Variants in SGPP2 observed in about 807,000 individuals in gnomAD.
The protein encoded by SGPP2 is sphingosine-1-phosphate phosphatase 2, also known as sphingosine 1-phosphate phosphohydrolase 2.
In SGPP2, 30 loss-of-function variants were observed where a neutral mutation model predicts 33.9. The ratio of observed to expected loss-of-function variants is 0.89; its 90% CI spans 0.66 to 1.20. The LOEUF is 1.20. Ranked by LOEUF, SGPP2 falls within the 50% of genes most tolerant of loss-of-function variation. SGPP2 has a pLI of 0.00. For synonymous variants in SGPP2, 233 were observed against 225.0 expected (o/e 1.04, Z -0.32); for missense variants, 458 against 532.1 (o/e 0.86, Z 1.37).
chr2:222,452,408 CTTCAAGTTGTATG>C, intron 1 of SGPP2: 2 of 759,014 alleles, frequency 2.6e-6, no homozygotes, highest in South Asian at 2.7e-5. Flanking sequence ...CTTCACAGAT[CTTCAAGTTGTATG>C]TTCATGGAGT....
chr2:222,542,417 C>G (rs1301709511), intron 4 of SGPP2, among the ~76,000 whole-genome samples: 1 of 152,190 alleles, frequency 6.6e-6, no homozygotes, highest in Non-Finnish European at 1.5e-5. Flanking sequence ...ACATTTTCCT[C>G]TTGAGTATGA....
chr2:222,510,556 A>G (rs956854007), intron 2 of SGPP2, among the ~76,000 whole-genome samples: 5 of 152,292 alleles, frequency 3.3e-5, no homozygotes, highest in South Asian at 2.1e-4. Flanking sequence ...CACTTTTGCT[A>G]TTTCTCCATG....
intron 1 of SGPP2, among the ~76,000 whole-genome samples, chr2:222,456,133 G>A (rs112684450): frequency 5.3e-5 from 8 of 152,270 alleles, no homozygotes; most frequent in African/African-American, 1.9e-4. Context: ...TCACAAAGCT[G>A]TGCAACCATC....
chr2:222,431,178 C>G (rs1001665742), intron 1 of SGPP2, among the ~76,000 whole-genome samples: 1 of 97,950 alleles, frequency 1.0e-5, no homozygotes, highest in Non-Finnish European at 2.1e-5. Flanking sequence ...TTATAAATTT[C>G]AAACTTTTCT....
At chr2:222,527,593 C>A (rs60210567) in intron 4 of SGPP2, among the ~76,000 whole-genome samples, 2 of 152,108 alleles carry the variant, frequency 1.3e-5, no homozygotes, top group African/African-American at 4.8e-5. Context: ...GCACCGCCCC[C>A]TTTTGGGAGC....
chr2:222,470,865 A>G (rs1697827662), intron 1 of SGPP2, among the ~76,000 whole-genome samples: 1 of 152,090 alleles, frequency 6.6e-6, no homozygotes, highest in South Asian at 2.1e-4. Flanking sequence ...GGCCTATTGG[A>G]TTGTATATTT....
At chr2:222,524,155 C>T (rs1261940070) in intron 3 of SGPP2, among the ~76,000 whole-genome samples, 2 of 152,328 alleles carry the variant, frequency 1.3e-5, no homozygotes, top group East Asian at 1.9e-4. Flanking sequence ...AGAGCTTCCT[C>T]ATTTGTAAAA....
intron 2 of SGPP2, among the ~76,000 whole-genome samples, chr2:222,485,128 G>A (rs994152872): frequency 2.6e-5 from 4 of 152,142 alleles, no homozygotes; most frequent in Non-Finnish European, 5.9e-5. Flanking sequence ...TCCCTGGCGC[G>A]CTCTCTAAAC....
chr2:222,509,388 C>T (rs1213769106), intron 2 of SGPP2, among the ~76,000 whole-genome samples: 1 of 152,026 alleles, frequency 6.6e-6, no homozygotes, highest in Non-Finnish European at 1.5e-5. Context: ...ATTGTTATGA[C>T]ATATAATGAT....
At chr2:222,496,288 C>A (rs542151431) in intron 2 of SGPP2, among the ~76,000 whole-genome samples, 1 of 152,234 alleles carries the variant, frequency 6.6e-6, no homozygotes, top group Non-Finnish European at 1.5e-5. Context: ...CAGTTTGAGA[C>A]GCTTTCCAAA....
intron 2 of SGPP2, among the ~76,000 whole-genome samples, chr2:222,482,082 G>A (rs931717849): frequency 2.4e-4 from 36 of 152,208 alleles, no homozygotes; most frequent in Non-Finnish European, 4.6e-4. Context: ...AAGAGGGTGG[G>A]GCTGCTTCTA....
At chr2:222,437,479 C>A (rs1360184927) in intron 1 of SGPP2, among the ~76,000 whole-genome samples, 3 of 152,224 alleles carry the variant, frequency 2.0e-5, no homozygotes, top group African/African-American at 7.2e-5. Context: ...GTCTTCTCTT[C>A]CTCTGTCAGC....
chr2:222,508,056 C>G (rs1335765920), intron 2 of SGPP2, among the ~76,000 whole-genome samples: 2 of 152,168 alleles, frequency 1.3e-5, no homozygotes, highest in Admixed American at 1.3e-4. Context: ...TGATGTCCAT[C>G]TAATGGCAAG....
At chr2:222,453,576 A>T (rs1181204351) in intron 1 of SGPP2, among the ~76,000 whole-genome samples, 1 of 152,098 alleles carries the variant, frequency 6.6e-6, no homozygotes, top group Non-Finnish European at 1.5e-5. Context: ...CAACATGAAG[A>T]CAAGGAAAAA....
At chr2:222,527,141 C>T (rs544983426) in intron 4 of SGPP2, among the ~76,000 whole-genome samples, 3 of 152,080 alleles carry the variant, frequency 2.0e-5, no homozygotes, top group Non-Finnish European at 4.4e-5. Flanking sequence ...GTTGTGGGGA[C>T]AGTAAGCAGA....
chr2:222,479,547 C>T (rs1359284378), intron 2 of SGPP2, among the ~76,000 whole-genome samples: 4 of 151,686 alleles, frequency 2.6e-5, no homozygotes, highest in Non-Finnish European at 4.4e-5. Context: ...GGACAACAGG[C>T]GCCCACCCCC....
chr2:222,471,501 T>C (rs1697841466), intron 1 of SGPP2, among the ~76,000 whole-genome samples: 1 of 152,014 alleles, frequency 6.6e-6, no homozygotes, highest in Non-Finnish European at 1.5e-5. Context: ...AAAAATTTAT[T>C]CCCCCAAATT....
intron 2 of SGPP2, among the ~76,000 whole-genome samples, chr2:222,494,230 T>G (rs890608202): frequency 5.3e-5 from 8 of 152,130 alleles, no homozygotes; most frequent in Admixed American, 5.2e-4. Flanking sequence ...ATGAAGCCAA[T>G]TAAGATTTTC....
At chr2:222,478,295 G>GTGTGTGTGTGTGTGTGTGTA (rs770770754) in intron 2 of SGPP2, among the ~76,000 whole-genome samples, 12 of 138,486 alleles carry the variant, frequency 8.7e-5, no homozygotes, top group African/African-American at 3.1e-4. Context: ...GTGTGTGTGT[G>GTGTGTGTGTGTGTGTGTGTA]TATACGTACG....
Sources: allele counts gnomAD v4.1 joint callset (sites outside exome capture counted in the v4.1 genomes callset), GRCh38; gene constraint gnomAD v4.1.1; transcripts MANE v1.5; gene names NCBI Gene and HGNC (gene_info 2026-07-23, HGNC 2026-07-21).